The following HNRNPUL1 variants were observed in gnomAD, a reference collection of about 807,000 sequenced individuals.
HNRNPUL1 encodes the protein heterogeneous nuclear ribonucleoprotein U-like protein 1.
In HNRNPUL1, 14 loss-of-function variants were observed where a neutral mutation model predicts 108.5. The observed-to-expected ratio is 0.13, with a 90% CI of 0.09 to 0.20. The LOEUF (loss-of-function observed/expected upper bound fraction) is 0.20. Among genes scored for constraint, HNRNPUL1 ranks in the 10% least tolerant of loss-of-function variants. HNRNPUL1 has a pLI of 1.00. For missense variants in HNRNPUL1, 804 were observed against 1,168.3 expected (o/e 0.69, Z 4.55); for synonymous variants, 422 against 445.2 (o/e 0.95, Z 0.66).
At chr19:41,270,408 AT>A (rs199718308) in intron 2 of HNRNPUL1, among the ~76,000 whole-genome samples, 2,015 of 151,006 alleles carry the variant, frequency 0.013, 25 homozygotes, top group Non-Finnish European at 0.022. Flanking sequence ...CTCCAAAAAA[AT>A]TTTTTTTTTA....
intron 7 of HNRNPUL1, among the ~76,000 whole-genome samples, chr19:41,282,286 G>A (rs984514074): frequency 5.3e-5 from 8 of 151,872 alleles, no homozygotes; most frequent in Non-Finnish European, 1.0e-4. Context: ...GGGTTCAAGC[G>A]ATTCTCCTGC....
intron 4 of HNRNPUL1, among the ~76,000 whole-genome samples, chr19:41,274,520 T>C (rs1169277831): frequency 6.6e-6 from 1 of 152,220 alleles, no homozygotes; most frequent in Non-Finnish European, 1.5e-5. Context: ...TGTGAGGCAC[T>C]AACCTGGCCC....
At chr19:41,275,323 C>T (rs760980627) in intron 4 of HNRNPUL1, among the ~76,000 whole-genome samples, 1 of 151,926 alleles carries the variant, frequency 6.6e-6, no homozygotes, top group African/African-American at 2.4e-5. Flanking sequence ...ACCCTGTCTA[C>T]GAAAAATATA....
chr19:41,289,738 A>G (rs1055793321), intron 7 of HNRNPUL1, among the ~76,000 whole-genome samples: 3 of 128,470 alleles, frequency 2.3e-5, no homozygotes, highest in African/African-American at 9.5e-5. Context: ...TTTTTTGAGA[A>G]GGAGTCTTGC....
intron 10 of HNRNPUL1, among the ~76,000 whole-genome samples, chr19:41,300,896 A>T (rs2037171766): frequency 6.6e-6 from 1 of 152,222 alleles, no homozygotes; most frequent in Non-Finnish European, 1.5e-5. Context: ...GGAATAAAAG[A>T]ACCAATGTTA....
In HNRNPUL1 at chr19:41,279,142, C is replaced by G. The variant is rs771787658; in HGVS notation, c.852C>G (p.Ile284Met). The change falls in exon 6 of 15, where the codon ATC becomes ATG. Residue 284 changes from isoleucine (I) to methionine (M), a missense_variant. Physicochemically the swap from Ile to Met is conservative, Grantham distance 10. Coordinates refer to ENST00000392006, the MANE Select transcript of HNRNPUL1 (RefSeq NM_007040.6). ...STEPDPHVVR[I>M]GWSLDSCSTQ... is the part of the protein sequence containing the mutation. ...AGCCTGACCCCCACGTGGTCCGTATCGGCTGGTCCCTGGACTCCTGCAGCA... is the reference window on the plus strand; with the variant it reads ...AGCCTGACCCCCACGTGGTCCGTATGGGCTGGTCCCTGGACTCCTGCAGCA... 1 of 1,613,770 alleles carries G rather than the reference C, an allele frequency of 6.2e-7. No homozygotes were observed. Among genetic ancestry groups the G allele is most frequent in the South Asian group, 1.1e-5 (1 of 91,078 alleles).
At chr19:41,270,499 C>G (rs1025644973) in intron 2 of HNRNPUL1, among the ~76,000 whole-genome samples, 2 of 151,340 alleles carry the variant, frequency 1.3e-5, no homozygotes, top group Admixed American at 1.3e-4. Context: ...GACAAAAAAC[C>G]TTGTGTTGTA....
intron 7 of HNRNPUL1, among the ~76,000 whole-genome samples, chr19:41,284,265 A>G (rs1326331668): frequency 2.0e-5 from 3 of 152,100 alleles, no homozygotes; most frequent in African/African-American, 7.2e-5. Context: ...CCATTTCAAG[A>G]TTAATCCAGC....
intron 5 of HNRNPUL1, among the ~76,000 whole-genome samples, chr19:41,277,365 T>G (rs1473295859): frequency 1.3e-5 from 2 of 152,330 alleles, no homozygotes; most frequent in South Asian, 2.1e-4. Flanking sequence ...AGCCCCAGTT[T>G]TTAGAGGTAG....
At chr19:41,268,411 C>CT in intron 2 of HNRNPUL1, 66 bp downstream of exon 2, 8 of 1,527,792 alleles carry the variant, frequency 5.2e-6, no homozygotes, top group Non-Finnish European at 7.1e-6. Flanking sequence ...TTACCCCCTG[C>CT]TTAGAGCGGG....
chr19:41,282,559 C>G (rs1176321013), intron 7 of HNRNPUL1, among the ~76,000 whole-genome samples: 1 of 152,112 alleles, frequency 6.6e-6, no homozygotes, highest in Admixed American at 6.6e-5. Flanking sequence ...AGGGCCTTAT[C>G]CAGATTCTAA....
Position 41,270,045 on chromosome 19 carries a change from C to T in HNRNPUL1, c.418+1700C>T, listed in dbSNP as rs531978509. Among the ~76,000 whole-genome samples the T allele has an allele frequency of 9.9e-5, 15 of 152,124 alleles. 1 individual carries two copies. The South Asian group carries it at 3.1e-3, about 32-fold the overall frequency. ...TTCCCCAGGCTGGAGGGCGATGGCG[C>T]GATCTCAGCTCACTGCAACCTCCGC... On this transcript the variant is annotated intron_variant, in intron 2 of 14. Transcript: ENST00000392006.
intron 4 of HNRNPUL1, among the ~76,000 whole-genome samples, chr19:41,274,714 G>A (rs1051079611): frequency 1.3e-5 from 2 of 152,130 alleles, no homozygotes; most frequent in Non-Finnish European, 2.9e-5. Flanking sequence ...AGCCCAATCA[G>A]GTCTGAGAAC....
At position 41,264,413 on chromosome 19, in the gene HNRNPUL1, T is replaced by TC; in HGVS notation, c.-86dup. On this transcript the variant is annotated 5_prime_UTR_variant, in exon 1 of 15. Coordinates refer to ENST00000392006, the MANE Select transcript of HNRNPUL1 (RefSeq NM_007040.6). ...GCCATTGGAGTGGGCCCCCCCCCTT[T>TC]CCCCCTTCGCCTCCTGACAGGAAAG... is the stretch of plus-strand genomic sequence containing the variant. 1.8e-6 allele frequency: 2 copies of TC among 1,129,564 alleles called. No individual in the cohort carries two copies. The highest frequency in any genetic ancestry group is 2.9e-5 in the South Asian group (1 of 34,150). 70.0% of individuals were successfully genotyped at this position (1,129,564 alleles called of 1,614,324 possible). A position where few individuals can be genotyped will look rare whatever the true frequency, so the allele number is the denominator to read the frequency against.
intron 1 of HNRNPUL1, chr19:41,265,030 G>T: frequency 7.2e-7 from 1 of 1,392,764 alleles, no homozygotes; most frequent in South Asian, 1.6e-5. Context: ...TTTCGGAGGT[G>T]AGGGACGGGG....
At position 41,294,396 on chromosome 19, in the gene HNRNPUL1, C is replaced by T; in HGVS notation, c.1325C>T (p.Ala442Val). 1 of 1,614,154 alleles carries T rather than the reference C, an allele frequency of 6.2e-7. No homozygotes were observed. The highest frequency in any genetic ancestry group is 8.5e-7 in the Non-Finnish European group (1 of 1,180,006). ...AGKTTWAIKH[A>V]ASNPSKKYNI... is the part of the protein sequence containing the mutation. The stretch of plus-strand genomic sequence containing the variant: ...AAGACCACATGGGCCATCAAACATG[C>T]AGCCTCCAACCCTTCCAAGAAGTAC... The change falls in exon 9 of 15, where the codon GCA (alanine) becomes GTA (valine). Residue 442 changes from alanine (A) to valine (V), a missense_variant. Ala to Val is a moderately conservative substitution (Grantham distance 64). Transcript: ENST00000392006. This position sits in a 1 kb window ranked among gnomAD's most constrained non-coding sequence, Gnocchi z 4.3.
intron 7 of HNRNPUL1, among the ~76,000 whole-genome samples, chr19:41,288,359 C>T (rs1276175840): frequency 1.3e-5 from 2 of 152,060 alleles, no homozygotes; most frequent in African/African-American, 4.8e-5. Context: ...GATTCTTCTG[C>T]CTCAGCCTCC....
intron 7 of HNRNPUL1, among the ~76,000 whole-genome samples, chr19:41,289,084 C>G (rs995706598): frequency 1.3e-5 from 2 of 152,094 alleles, no homozygotes; most frequent in Non-Finnish European, 2.9e-5. Context: ...CACTGTGTGA[C>G]AGTGTTTGCC....
chr19:41,278,977 T>C (rs1411644756), intron 5 of HNRNPUL1, 100 bp from the exon 6 acceptor site: 16 of 826,510 alleles, frequency 1.9e-5, no homozygotes, highest in Non-Finnish European at 2.5e-5. Context: ...AGAAAAGCCA[T>C]TGCTATTTTT....
Sources: allele counts gnomAD v4.1 joint callset (sites outside exome capture counted in the v4.1 genomes callset), GRCh38; gene constraint gnomAD v4.1.1; non-coding constraint Gnocchi (gnomAD v3.1); transcripts MANE v1.5; gene names NCBI Gene and HGNC (gene_info 2026-07-23, HGNC 2026-07-21).